The following CABCOCO1 variants were observed in gnomAD, a reference collection of about 807,000 sequenced individuals.
CABCOCO1 encodes ciliary-associated calcium-binding coiled-coil protein 1.
A neutral mutation model predicts 35.7 loss-of-function variants in CABCOCO1; 28 were observed. The observed-to-expected ratio is 0.78, with a 90% CI of 0.58 to 1.07. The LOEUF (loss-of-function observed/expected upper bound fraction) is 1.07, where lower values mean the gene tolerates loss of function less well. Ranked by LOEUF, CABCOCO1 falls within the 50% of genes least tolerant of loss-of-function variation. CABCOCO1 has a pLI of 0.00. For missense variants in CABCOCO1, 326 were observed against 309.2 expected (o/e 1.05, Z -0.41); for synonymous variants, 95 against 100.1 (o/e 0.95, Z 0.30).
intron 2 of CABCOCO1, among the ~76,000 whole-genome samples, chr10:61,680,735 A>AAT (rs1233875928): frequency 6.2e-5 from 4 of 64,796 alleles, no homozygotes; most frequent in East Asian, 3.8e-4. Flanking sequence ...TTATATATAT[A>AAT]ATATATATAT....
chr10:61,738,011 A>G (rs10821920), intron 5 of CABCOCO1, among the ~76,000 whole-genome samples: 60,606 of 150,732 alleles, frequency 0.4, 14,307 homozygotes, highest in Middle Eastern at 0.53. Context: ...TTCACTTACC[A>G]ATTAAAGCGT....
intron 5 of CABCOCO1, among the ~76,000 whole-genome samples, chr10:61,746,928 A>T (rs1471449339): frequency 6.6e-6 from 1 of 152,150 alleles, no homozygotes; most frequent in East Asian, 1.9e-4. Flanking sequence ...TGCAATTCTC[A>T]CACCTAAGCT....
intron 6 of CABCOCO1, 58 bp downstream of exon 6, chr10:61,760,239 G>C (rs1841981836): frequency 1.9e-6 from 3 of 1,541,344 alleles, no homozygotes; most frequent in Non-Finnish European, 2.6e-6. Context: ...CTCTTGGGGT[G>C]GGAGGAAACG....
At chr10:61,681,007 G>A in intron 2 of CABCOCO1, 136 bp from the exon 3 acceptor site, 1 of 392,170 alleles carries the variant, frequency 2.5e-6, no homozygotes, top group South Asian at 5.1e-5. Flanking sequence ...TGTCATTTTG[G>A]TCTTATGAAG....
intron 5 of CABCOCO1, among the ~76,000 whole-genome samples, chr10:61,732,787 A>G (rs1205781736): frequency 1.3e-5 from 2 of 152,090 alleles, no homozygotes; most frequent in African/African-American, 4.8e-5. Flanking sequence ...CAAGATTACA[A>G]GTACTTTTAT....
intron 5 of CABCOCO1, among the ~76,000 whole-genome samples, chr10:61,724,720 C>T (rs1367618554): frequency 6.6e-6 from 1 of 152,096 alleles, no homozygotes; most frequent in Non-Finnish European, 1.5e-5. Context: ...CAAAAACAAG[C>T]TTGAACTTTT....
At chr10:61,709,577 T>G (rs1840676303) in intron 5 of CABCOCO1, among the ~76,000 whole-genome samples, 1 of 151,946 alleles carries the variant, frequency 6.6e-6, no homozygotes, top group South Asian at 2.1e-4. Flanking sequence ...TCATTTTTCA[T>G]ACTAAAAGAA....
intron 5 of CABCOCO1, among the ~76,000 whole-genome samples, chr10:61,690,914 GA>G (rs1293168712): frequency 2.6e-5 from 4 of 151,596 alleles, no homozygotes; most frequent in South Asian, 2.1e-4. Flanking sequence ...AATAAAATCA[GA>G]AAAAAACAAC....
chr10:61,750,689 A>G (rs1037254415), intron 5 of CABCOCO1, among the ~76,000 whole-genome samples: 1 of 152,254 alleles, frequency 6.6e-6, no homozygotes, highest in African/African-American at 2.4e-5. Context: ...AAATACAGAT[A>G]GTTGCACTGA....
At chr10:61,718,594 G>C (rs902196469) in intron 5 of CABCOCO1, among the ~76,000 whole-genome samples, 5 of 152,106 alleles carry the variant, frequency 3.3e-5, no homozygotes, top group African/African-American at 9.7e-5. Flanking sequence ...TTTCCTAAGT[G>C]GGGGTTAGGA....
chr10:61,686,647 G>A (rs191212538), intron 4 of CABCOCO1, among the ~76,000 whole-genome samples: 36 of 152,184 alleles, frequency 2.4e-4, no homozygotes, highest in African/African-American at 6.7e-4. Flanking sequence ...TGAATGCTTC[G>A]TATTAGAAAT....
chr10:61,663,373 GTTTT>G (rs754985729), intron 1 of CABCOCO1, among the ~76,000 whole-genome samples: 1 of 143,640 alleles, frequency 7.0e-6, no homozygotes, highest in Non-Finnish European at 1.5e-5. Context: ...GGTTTTTCAT[GTTTT>G]TTTTTTTTTT....
intron 5 of CABCOCO1, among the ~76,000 whole-genome samples, chr10:61,732,841 C>G (rs888175991): frequency 6.6e-6 from 1 of 151,936 alleles, no homozygotes; most frequent in Non-Finnish European, 1.5e-5. Flanking sequence ...TATGTTATCT[C>G]CTGGAGAACA....
intron 5 of CABCOCO1, among the ~76,000 whole-genome samples, chr10:61,710,142 T>C (rs117577376): frequency 0.01 from 1,593 of 152,156 alleles, 13 homozygotes; most frequent in Middle Eastern, 0.017. Context: ...AGTGAGTTTT[T>C]TGTGTGTATA....
In CABCOCO1 at chr10:61,760,862, G is replaced by C. The variant is rs1841994572; in HGVS notation, c.676-1G>C. ...AGTGCTATTTACTTTCAATATTCTA[G>C]AGGTTGGATCAAGAACAAGGCCCTG... On this transcript the variant is annotated splice_acceptor_variant, in intron 6 of 7. Coordinates refer to ENST00000648843, the MANE Select transcript of CABCOCO1 (RefSeq NM_001366906.2). LOFTEE classifies it high-confidence loss of function. 6.2e-7 allele frequency: 1 copy of C among 1,610,184 alleles called. No homozygotes were observed. Among genetic ancestry groups the C allele is most frequent in the South Asian group, 1.1e-5 (1 of 90,656 alleles).
At chr10:61,678,719 T>A (rs940599208) in intron 2 of CABCOCO1, among the ~76,000 whole-genome samples, 3 of 152,144 alleles carry the variant, frequency 2.0e-5, no homozygotes, top group Non-Finnish European at 4.4e-5. Context: ...TCTTTCTTAT[T>A]TTTATTCAAC....
intron 5 of CABCOCO1, among the ~76,000 whole-genome samples, chr10:61,724,070 G>A (rs4948286): frequency 0.92 from 139,311 of 152,222 alleles, 63,800 homozygotes; most frequent in Middle Eastern, 0.94. Context: ...GTCCATTCAC[G>A]AAAGTAAGAA....
At chr10:61,663,967 G>A (rs762019824) in intron 1 of CABCOCO1, among the ~76,000 whole-genome samples, 1 of 151,858 alleles carries the variant, frequency 6.6e-6, no homozygotes, top group African/African-American at 2.4e-5. Context: ...TTATTCGTTG[G>A]TCTAAACGAC....
At position 61,681,165 on chromosome 10, in the gene CABCOCO1, T is replaced by A; in HGVS notation, c.187T>A (p.Phe63Ile). 3.4e-6 allele frequency: 5 copies of A among 1,472,172 alleles called. No individual in the cohort carries two copies. The highest frequency in any genetic ancestry group is 4.5e-6 in the Non-Finnish European group (5 of 1,099,658). 91.2% of individuals were successfully genotyped at this position (1,472,172 alleles called of 1,614,324 possible). A position where few individuals can be genotyped will look rare whatever the true frequency, so the allele number is the denominator to read the frequency against. ...CAGAAAACTGAGAATATTTTTGAAT[T>A]TCAAAAACCTTGAAACTTGTTTAAA... Reference protein sequence around the residue: ...VQEKLRIFLNFKNLETCLKDA... With the variant: ...VQEKLRIFLNIKNLETCLKDA... Residue 63 changes from phenylalanine (F) to isoleucine (I), a missense_variant, in exon 3 of 8, where the codon TTC becomes ATC. Phe to Ile is a conservative substitution (Grantham distance 21). Coordinates refer to ENST00000648843, the MANE Select transcript of CABCOCO1 (RefSeq NM_001366906.2).
Sources: allele counts gnomAD v4.1 joint callset (sites outside exome capture counted in the v4.1 genomes callset), GRCh38; gene constraint gnomAD v4.1.1; transcripts MANE v1.5; gene names NCBI Gene and HGNC (gene_info 2026-07-23, HGNC 2026-07-21).